Variants in DLGAP4 observed in about 807,000 individuals in gnomAD.
DLGAP4 encodes DLG associated protein 4.
In DLGAP4, 18 loss-of-function variants were observed where a neutral mutation model predicts 86.9. The observed-to-expected ratio is 0.21, with a 90% confidence interval of 0.14 to 0.31. The LOEUF is 0.31. Among genes scored for constraint, DLGAP4 ranks in the 10% least tolerant of loss-of-function variants. The pLI is 1.00. For synonymous variants in DLGAP4, 548 were observed against 574.3 expected (o/e 0.95, Z 0.65); for missense variants, 1,085 against 1,362.6 (o/e 0.80, Z 3.21).
intron 2 of DLGAP4, among the ~76,000 whole-genome samples, chr20:36,423,317 G>A (rs932364120): frequency 2.0e-5 from 3 of 151,648 alleles, no homozygotes; most frequent in East Asian, 2.0e-4. Flanking sequence ...TTAGCCAGGC[G>A]TGGTGGCAGG....
chr20:36,352,246 C>T (rs1288393860), intron 1 of DLGAP4, among the ~76,000 whole-genome samples: 2 of 152,084 alleles, frequency 1.3e-5, no homozygotes, highest in Admixed American at 6.6e-5. Context: ...GGGGACCAGA[C>T]CTTGTGGGGC....
chr20:36,407,668 TGAG>T (rs1394821717), intron 2 of DLGAP4, among the ~76,000 whole-genome samples: 1 of 151,918 alleles, frequency 6.6e-6, no homozygotes, highest in Non-Finnish European at 1.5e-5. Flanking sequence ...TGTGGTCAGT[TGAG>T]GAGCAGGTCA....
rs765968647 is a variant in DLGAP4, at chr20:36,524,365, A to G, written c.2604+24A>G. 22 of 1,598,182 alleles carry G rather than the reference A, an allele frequency of 1.4e-5. No individual in the cohort carries two copies. The South Asian group carries it at 2.4e-4, about 17-fold the overall frequency. On this transcript the variant is annotated intron_variant, in intron 11 of 12. Transcript: ENST00000339266. The stretch of plus-strand genomic sequence containing the variant: ...TGGTGAGTGTGATTCTCCTTCCTCC[A>G]CAGCAGGGCTTCCAGCCTTTGGCTG...
chr20:36,474,947 T>A (rs543608130), intron 7 of DLGAP4, among the ~76,000 whole-genome samples: 2 of 152,248 alleles, frequency 1.3e-5, no homozygotes, highest in South Asian at 2.1e-4. Context: ...TACTGTCTAA[T>A]CTGTTAGTGA....
chr20:36,519,520 C>A (rs545774057), intron 10 of DLGAP4, among the ~76,000 whole-genome samples: 46 of 152,216 alleles, frequency 3.0e-4, no homozygotes, highest in African/African-American at 1.1e-3. Flanking sequence ...GTTGTTTCTA[C>A]CTTTTGGCTA....
chr20:36,461,620 G>C, intron 7 of DLGAP4: 1 of 926,836 alleles, frequency 1.1e-6, no homozygotes, highest in African/African-American at 1.9e-5. Flanking sequence ...GCCCAGCGCC[G>C]CCCGGAGCAG....
intron 7 of DLGAP4, among the ~76,000 whole-genome samples, chr20:36,494,119 GTGTC>G (rs1487980431): frequency 6.6e-6 from 1 of 152,194 alleles, no homozygotes; most frequent in South Asian, 2.1e-4. Context: ...AGAGATGCAG[GTGTC>G]TGTCTGGGGG....
At chr20:36,437,277 G>A (rs2033315493) in intron 4 of DLGAP4, among the ~76,000 whole-genome samples, 1 of 152,222 alleles carries the variant, frequency 6.6e-6, no homozygotes, top group South Asian at 2.1e-4. Flanking sequence ...CAGGTGAGCT[G>A]CATCCTTTGG....
At chr20:36,368,412 GT>G (rs752484572) in intron 2 of DLGAP4, among the ~76,000 whole-genome samples, 5 of 152,252 alleles carry the variant, frequency 3.3e-5, no homozygotes, top group African/African-American at 4.8e-5. Flanking sequence ...GGGATCTTTT[GT>G]TTCTTTAACC....
intron 1 of DLGAP4, among the ~76,000 whole-genome samples, chr20:36,360,014 T>C (rs1218549686): frequency 6.6e-6 from 1 of 152,150 alleles, no homozygotes; most frequent in Non-Finnish European, 1.5e-5. Context: ...AAAACTCCAT[T>C]GTCTACTAGC....
intron 8 of DLGAP4, chr20:36,499,047 C>G: frequency 3.4e-6 from 2 of 580,142 alleles, no homozygotes; most frequent in Non-Finnish European, 6.1e-6. Flanking sequence ...GAACTGCCGT[C>G]CAGGGTTTGC....
chr20:36,422,434 G>A (rs1167509069), intron 2 of DLGAP4, among the ~76,000 whole-genome samples: 3 of 152,162 alleles, frequency 2.0e-5, no homozygotes, highest in East Asian at 1.9e-4. Flanking sequence ...GCTGGTTAAA[G>A]GGAAGGGCCG....
At chr20:36,382,761 C>T (rs1205079947) in intron 2 of DLGAP4, among the ~76,000 whole-genome samples, 1 of 151,958 alleles carries the variant, frequency 6.6e-6, no homozygotes, top group Non-Finnish European at 1.5e-5. Flanking sequence ...AACTCCTGAC[C>T]TCAAACCATC....
rs532553313 is a variant in DLGAP4 at position 36,351,934 on chromosome 20, G to A, written c.-303-15111G>A. Reference sequence around the variant, plus strand: ...CTGTGGGTGTGATGTGCTGCCGGCCGGGTGGTGTGAGTGCTAAGAGGCAAA... The same window carrying A: ...CTGTGGGTGTGATGTGCTGCCGGCCAGGTGGTGTGAGTGCTAAGAGGCAAA... On this transcript the variant is annotated intron_variant, in intron 1 of 12. Transcript: ENST00000339266. Among the ~76,000 whole-genome samples, 117 of 152,278 alleles carry A rather than the reference G, an allele frequency of 7.7e-4. 1 individual carries two copies. Among genetic ancestry groups the A allele is most frequent in the Middle Eastern group, 3.4e-3 (1 of 294 alleles).
At chr20:36,377,940 G>A (rs972309275) in intron 2 of DLGAP4, among the ~76,000 whole-genome samples, 8 of 152,190 alleles carry the variant, frequency 5.3e-5, no homozygotes, top group African/African-American at 1.7e-4. Context: ...CGGAGCCCAG[G>A]CTCAACGACT....
intron 1 of DLGAP4, among the ~76,000 whole-genome samples, chr20:36,365,030 G>C (rs892302223): frequency 1.3e-5 from 2 of 152,216 alleles, no homozygotes; most frequent in Admixed American, 1.3e-4. Context: ...AGAAGGTCAA[G>C]GCTACAGTGA....
intron 6 of DLGAP4, among the ~76,000 whole-genome samples, chr20:36,445,238 G>A (rs1319958241): frequency 6.6e-6 from 1 of 152,164 alleles, no homozygotes; most frequent in Non-Finnish European, 1.5e-5. Flanking sequence ...AGGCGCAGTG[G>A]CTCATGCCTG....
At chr20:36,469,828 T>A (rs1423054430) in intron 7 of DLGAP4, among the ~76,000 whole-genome samples, 1 of 151,804 alleles carries the variant, frequency 6.6e-6, no homozygotes, top group Non-Finnish European at 1.5e-5. Context: ...GAAGGGCATC[T>A]CAGCAGAAGG....
intron 7 of DLGAP4, among the ~76,000 whole-genome samples, chr20:36,486,568 T>C (rs1000803964): frequency 7.9e-5 from 12 of 152,220 alleles, no homozygotes; most frequent in African/African-American, 2.6e-4. Flanking sequence ...CCAGTTCCTA[T>C]TGTAGGCTAA....
Sources: gnomAD v4.1 joint callset for allele counts (sites outside exome capture counted in the v4.1 genomes callset) on GRCh38, gnomAD v4.1.1 for gene constraint, MANE v1.5 for transcripts, NCBI Gene and HGNC (gene_info 2026-07-23, HGNC 2026-07-21) for gene names.